The following KIAA1755 variants were observed in gnomAD, a reference collection of about 807,000 sequenced individuals.
KIAA1755 encodes KIAA1755, also known as uncharacterized protein KIAA1755.
Under a neutral mutation model 91.7 loss-of-function variants are expected in KIAA1755, and 68 were observed. The ratio of observed to expected loss-of-function variants is 0.74; its 90% CI spans 0.61 to 0.91. The LOEUF (loss-of-function observed/expected upper bound fraction) is 0.91. Among genes scored for constraint, KIAA1755 ranks in the 40% least tolerant of loss-of-function variants. The pLI is 0.00. For synonymous variants in KIAA1755, 610 were observed against 604.6 expected, an observed-to-expected ratio of 1.01 and a Z score of -0.13; for missense variants, 1,535 against 1,494.4, an observed-to-expected ratio of 1.03 and a Z score of -0.45.
intron 10 of KIAA1755, among the ~76,000 whole-genome samples, chr20:38,221,517 G>T (rs1212643023): frequency 6.6e-6 from 1 of 152,186 alleles, no homozygotes; most frequent in Non-Finnish European, 1.5e-5. Flanking sequence ...AGACTGCCTG[G>T]ATTCAAGTCC....
At chr20:38,221,132 G>A (rs924842532) in intron 10 of KIAA1755, among the ~76,000 whole-genome samples, 1 of 152,220 alleles carries the variant, frequency 6.6e-6, no homozygotes, top group Non-Finnish European at 1.5e-5. Context: ...CAGGGAAGAG[G>A]TGTGGCCCAG....
At position 38,217,416 on chromosome 20, in the gene KIAA1755, G is replaced by A; in HGVS notation, c.2738C>T (p.Ala913Val). The change falls in exon 13 of 14, where the codon GCC becomes GTC. Residue 913 changes from alanine (A) to valine (V), a missense_variant. Transcript: ENST00000279024. Reference sequence around the variant, plus strand: ...ACGTTCTGCCTCCCCAGCCCCTCTGGCTGTAGCTCCCAGCTGAGCGGCCTG... The same window carrying A: ...ACGTTCTGCCTCCCCAGCCCCTCTGACTGTAGCTCCCAGCTGAGCGGCCTG... ...SKQAAQLGAT[A>V]RGAGEAERAE... The A allele has an allele frequency of 6.2e-7, 1 of 1,613,142 alleles. No homozygotes were observed. Among genetic ancestry groups the A allele is most frequent in the Admixed American group, 1.7e-5 (1 of 59,938 alleles).
Position 38,213,202 on chromosome 20 carries a change from G to A in KIAA1755, c.3443C>T (p.Pro1148Leu), listed in dbSNP as rs775388393. Residue 1148 changes from proline (P) to leucine (L), a missense_variant, in exon 14 of 14, where the codon CCT becomes CTT. Pro to Leu is a moderately conservative substitution (Grantham distance 98, BLOSUM62 -3). Coordinates refer to ENST00000279024, the MANE Select transcript of KIAA1755 (RefSeq NM_001029864.2). ...DGKGSHKLPD[P>L]AREHLLATTF... ...GGTGGCAAGCAAATGCTCGCGGGCA[G>A]GGTCAGGCAGCTTGTGGGAGCCTTT... 1 of 1,613,554 alleles carries A rather than the reference G, an allele frequency of 6.2e-7. No homozygotes were observed. Among genetic ancestry groups the A allele is most frequent in the East Asian group, 2.2e-5 (1 of 44,892 alleles).
In KIAA1755 at chr20:38,219,700, G is replaced by A. The variant is rs1485586664; in HGVS notation, c.2486C>T (p.Ala829Val). 3.1e-6 allele frequency: 5 copies of A among 1,614,020 alleles called. No homozygotes were observed. In the African/African-American group the frequency reaches 5.3e-5, roughly 17 times the overall value. ...VDEQLHVLVT[A>V]SNSLLGKLEL... ...CAGCTTCCCCAGGAGGCTGTTGGAA[G>A]CGGTGACCAGAACATGAAGCTGCTC... is the stretch of plus-strand genomic sequence containing the variant. Residue 829 changes from alanine (A) to valine (V), a missense_variant, in exon 11 of 14, where the codon GCT (alanine) becomes GTT (valine). Physicochemically the swap from Ala to Val is moderately conservative, Grantham distance 64. Transcript: ENST00000279024.
At chr20:38,234,267 C>G (rs775967672) in intron 4 of KIAA1755, among the ~76,000 whole-genome samples, 1 of 152,212 alleles carries the variant, frequency 6.6e-6, no homozygotes, top group African/African-American at 2.4e-5. Flanking sequence ...TGTCCTATCT[C>G]TATCTGGTGA....
At chr20:38,258,977 C>T (rs937509534) in intron 1 of KIAA1755, among the ~76,000 whole-genome samples, 12 of 152,246 alleles carry the variant, frequency 7.9e-5, no homozygotes, top group Admixed American at 2.0e-4. Flanking sequence ...ACCAGGTGCA[C>T]GCTGTGGCCC....
intron 1 of KIAA1755, among the ~76,000 whole-genome samples, chr20:38,256,297 T>C (rs2076337932): frequency 6.6e-6 from 1 of 152,226 alleles, no homozygotes; most frequent in Admixed American, 6.5e-5. Context: ...ACTGGTCTGG[T>C]GCTGTGGCCC....
intron 10 of KIAA1755, 130 bp from the exon 11 acceptor site, chr20:38,219,898 C>T: frequency 8.3e-7 from 1 of 1,209,498 alleles, no homozygotes; most frequent in South Asian, 1.4e-5. Context: ...TGCTGTGTGA[C>T]TGTGGGCAGG....
In KIAA1755 at chr20:38,240,674, G is replaced by A. The variant is rs202213297; in HGVS notation, c.1457C>T (p.Pro486Leu). 74 of 1,546,836 alleles carry A rather than the reference G, an allele frequency of 4.8e-5. No individual in the cohort carries two copies. In the Middle Eastern group the frequency reaches 5.2e-4, roughly 11 times the overall value. ...LRGQRQPSVTPEKASLQHNGP... is the reference protein window; with the variant it reads ...LRGQRQPSVTLEKASLQHNGP... ...ATTGTGCTGGAGTGAGGCTTTCTCCGGGGTCACAGAGGGTTGCCTCTGCCC... is the reference window on the plus strand; with the variant it reads ...ATTGTGCTGGAGTGAGGCTTTCTCCAGGGTCACAGAGGGTTGCCTCTGCCC... The change falls in exon 3 of 14, where the codon CCG becomes CTG. Residue 486 changes from proline (P) to leucine (L), a missense_variant. By Grantham distance (98) the Pro-to-Leu change is moderately conservative. Coordinates refer to ENST00000279024, the MANE Select transcript of KIAA1755 (RefSeq NM_001029864.2).
chr20:38,243,435 C>T (rs1025357175), intron 2 of KIAA1755, among the ~76,000 whole-genome samples: 1 of 152,208 alleles, frequency 6.6e-6, no homozygotes, highest in Admixed American at 6.5e-5. Flanking sequence ...TCTCTCTCAC[C>T]TTCTCATTGA....
At chr20:38,220,729 G>T (rs747525835) in intron 10 of KIAA1755, among the ~76,000 whole-genome samples, 1 of 152,214 alleles carries the variant, frequency 6.6e-6, no homozygotes, top group Non-Finnish European at 1.5e-5. Context: ...ATGTTTGTCA[G>T]GTCCGTGCTA....
In KIAA1755 at chr20:38,239,697, G is replaced by T; in HGVS notation, c.1578C>A (p.Gly526=). 1 of 1,612,614 alleles carries T rather than the reference G, an allele frequency of 6.2e-7. No individual in the cohort carries two copies. Among genetic ancestry groups the T allele is most frequent in the Non-Finnish European group, 8.5e-7 (1 of 1,179,914 alleles). The change falls in exon 4 of 14, where the codon GGC becomes GGA. Residue 526 remains glycine (G), a synonymous_variant. Transcript: ENST00000279024. ...TCAGTGGGCTGGGGGCAGTGGCTGGGCCAGATGTTTTGGTCTGAGTTGTTC... is the reference window on the plus strand; with the variant it reads ...TCAGTGGGCTGGGGGCAGTGGCTGGTCCAGATGTTTTGGTCTGAGTTGTTC... ...KAGTTQTKTS[G]PATAPSPLTE... is the part of the protein sequence containing the mutation.
chr20:38,219,142 T>C (rs2075608283), intron 11 of KIAA1755, among the ~76,000 whole-genome samples: 1 of 152,244 alleles, frequency 6.6e-6, no homozygotes, highest in South Asian at 2.1e-4. Flanking sequence ...GGCTGTCTGA[T>C]GCAGGAGTGT....
chr20:38,226,859 A>G (rs1465825491), intron 7 of KIAA1755, among the ~76,000 whole-genome samples: 1 of 152,176 alleles, frequency 6.6e-6, no homozygotes, highest in African/African-American at 2.4e-5. Flanking sequence ...GATGGACCAG[A>G]TGAAGCTTTT....
intron 12 of KIAA1755, 90 bp from the exon 13 acceptor site, chr20:38,217,564 C>T (rs570790055): frequency 2.4e-5 from 22 of 915,530 alleles, no homozygotes; most frequent in South Asian, 1.7e-4. Flanking sequence ...GCCTTGCTGG[C>T]GAGCCAGGAG....
chr20:38,225,028 G>T (rs746918266), intron 8 of KIAA1755, among the ~76,000 whole-genome samples: 13 of 152,170 alleles, frequency 8.5e-5, no homozygotes, highest in Non-Finnish European at 1.8e-4. Flanking sequence ...GAGTCTCACT[G>T]TGCCACCTAG....
At position 38,239,667 on chromosome 20, in the gene KIAA1755, C is replaced by A. The variant is rs532455401; in HGVS notation, c.1608G>T (p.Glu536Asp). ...AAGCTTCTGGCAAGGCAGCCTTTTCCTCAGTCAGTGGGCTGGGGGCAGTGG... is the reference window on the plus strand; with the variant it reads ...AAGCTTCTGGCAAGGCAGCCTTTTCATCAGTCAGTGGGCTGGGGGCAGTGG... ...GPATAPSPLT[E>D]EKAALPEASA... The change falls in exon 4 of 14, where the codon GAG (glutamate) becomes GAT (aspartate). Residue 536 changes from glutamate to aspartate, a missense_variant. By Grantham distance (45) the Glu-to-Asp change is conservative. Coordinates refer to ENST00000279024, the MANE Select transcript of KIAA1755 (RefSeq NM_001029864.2). 1 of 1,608,476 alleles carries A rather than the reference C, an allele frequency of 6.2e-7. No individual in the cohort carries two copies. The highest frequency in any genetic ancestry group is 1.7e-5 in the Admixed American group (1 of 58,648).
At chr20:38,259,820 C>CCACACACACACACACACACA (rs57325877) in intron 1 of KIAA1755, among the ~76,000 whole-genome samples, 19 of 138,796 alleles carry the variant, frequency 1.4e-4, no homozygotes, top group South Asian at 4.8e-4. Context: ...ACCACCACCA[C>CCACACACACACACACACACA]CACACACACA....
In KIAA1755 at chr20:38,241,393, T is replaced by C. The variant is rs1344566954; in HGVS notation, c.738A>G (p.Pro246=). 3 of 1,614,120 alleles carry C rather than the reference T, an allele frequency of 1.9e-6. No homozygotes were observed. The highest frequency in any genetic ancestry group is 2.5e-6 in the Non-Finnish European group (3 of 1,180,046). Residue 246 remains proline (P), a synonymous_variant, in exon 3 of 14, where the codon CCA becomes CCG. Coordinates refer to ENST00000279024, the MANE Select transcript of KIAA1755 (RefSeq NM_001029864.2). ...GKGRTYGSKY[P]GLIKVEQARC... Reference sequence around the variant, plus strand: ...GGGCTTGCTCCACCTTGATGAGTCCTGGATACTTGCTCCCATATGTCCTGC... The same window carrying C: ...GGGCTTGCTCCACCTTGATGAGTCCCGGATACTTGCTCCCATATGTCCTGC...
Sources: allele counts gnomAD v4.1 joint callset (sites outside exome capture counted in the v4.1 genomes callset), GRCh38; gene constraint gnomAD v4.1.1; transcripts MANE v1.5; gene names NCBI Gene and HGNC (gene_info 2026-07-23, HGNC 2026-07-21).